The following PTPRD variants were observed in gnomAD, a reference collection of about 807,000 sequenced individuals.
PTPRD encodes the protein receptor-type tyrosine-protein phosphatase delta.
Under a neutral mutation model 214.5 loss-of-function variants are expected in PTPRD, and 34 were observed. That is an observed-to-expected ratio of 0.16 (90% CI 0.12 to 0.21). The LOEUF (loss-of-function observed/expected upper bound fraction) is 0.21, where lower values mean the gene tolerates loss of function less well. PTPRD is among the 10% of genes least tolerant of loss of function. PTPRD has a pLI of 1.00. For synonymous variants in PTPRD, 1,128 were observed against 845.7 expected (o/e 1.33, Z -5.79); for missense variants, 2,545 against 2,398.7 (o/e 1.06, Z -1.27).
intron 14 of PTPRD, among the ~76,000 whole-genome samples, chr9:8,561,491 A>G (rs559583700): frequency 1.3e-5 from 2 of 152,266 alleles, no homozygotes; most frequent in Admixed American, 1.3e-4. Context: ...TACAAACTAT[A>G]ACACAGGTGG....
intron 6 of PTPRD, among the ~76,000 whole-genome samples, chr9:9,765,823 G>A (rs1260483917): frequency 6.6e-6 from 1 of 150,698 alleles, no homozygotes; most frequent in Non-Finnish European, 1.5e-5. Context: ...ACCACCCCTG[G>A]CTAATTTTTT....
intron 8 of PTPRD, among the ~76,000 whole-genome samples, chr9:9,497,968 T>G (rs1213587289): frequency 6.6e-6 from 1 of 152,140 alleles, no homozygotes; most frequent in East Asian, 1.9e-4. Flanking sequence ...CTTTCAACAT[T>G]AACATTTTGA....
intron 12 of PTPRD, among the ~76,000 whole-genome samples, chr9:8,682,362 G>A (rs2097567917): frequency 6.6e-6 from 1 of 151,250 alleles, no homozygotes; most frequent in African/African-American, 2.4e-5. Context: ...CTGAACTTGG[G>A]CTTTAAATAA....
At chr9:9,463,287 A>C (rs2093832599) in intron 8 of PTPRD, among the ~76,000 whole-genome samples, 1 of 152,172 alleles carries the variant, frequency 6.6e-6, no homozygotes, top group Admixed American at 6.5e-5. Flanking sequence ...ATAAACAGGA[A>C]TAATTGTCAC....
intron 30 of PTPRD, among the ~76,000 whole-genome samples, chr9:8,480,901 G>C (rs1046893474): frequency 1.3e-5 from 2 of 152,136 alleles, no homozygotes; most frequent in African/African-American, 4.8e-5. Flanking sequence ...AGCACTTTGG[G>C]AGGCTGAGGG....
intron 5 of PTPRD, among the ~76,000 whole-genome samples, chr9:9,866,133 A>C (rs756963835): frequency 6.6e-6 from 1 of 152,156 alleles, no homozygotes; most frequent in Admixed American, 6.5e-5. Flanking sequence ...TATCTAGTTA[A>C]GGTTATATCC....
chr9:9,900,657 A>T lies in PTPRD; in HGVS notation c.-368+37850T>A, dbSNP rs1314200070. Reference sequence around the variant, plus strand: ...CATTTTCAGGTTTTTTTTTTTTTTGAGATGGAGTCTTGCTCTGTTGCCAGG... The same window carrying T: ...CATTTTCAGGTTTTTTTTTTTTTTGTGATGGAGTCTTGCTCTGTTGCCAGG... On this transcript the variant is annotated intron_variant, in intron 5 of 45. Transcript: ENST00000381196. Among the ~76,000 whole-genome samples the T allele has an allele frequency of 9.7e-5, 8 of 82,402 alleles. No individual in the cohort carries two copies. In the East Asian group the frequency reaches 1.3e-3, roughly 14 times the overall value. 54.1% of individuals were successfully genotyped at this position (82,402 alleles called of 152,430 possible).
chr9:10,063,397 T>C (rs1320410024), intron 3 of PTPRD, among the ~76,000 whole-genome samples: 1 of 152,028 alleles, frequency 6.6e-6, no homozygotes, highest in East Asian at 1.9e-4. Context: ...AAGTATCTAT[T>C]GATAAAAAAG....
intron 9 of PTPRD, among the ~76,000 whole-genome samples, chr9:9,277,572 T>C (rs1946149464): frequency 6.6e-6 from 1 of 151,380 alleles, no homozygotes; most frequent in African/African-American, 2.4e-5. Context: ...TAAACAATTT[T>C]GTTGCTTTAT....
chr9:10,192,133 G>A (rs1021512744), intron 3 of PTPRD, among the ~76,000 whole-genome samples: 4 of 152,248 alleles, frequency 2.6e-5, no homozygotes, highest in African/African-American at 2.4e-5. Flanking sequence ...GAAACTTTGT[G>A]AAAAGTATCA....
chr9:8,566,174 T>C (rs1255122087), intron 14 of PTPRD, among the ~76,000 whole-genome samples: 1 of 148,118 alleles, frequency 6.8e-6, no homozygotes, highest in Non-Finnish European at 1.5e-5. Context: ...CAATGCATTC[T>C]CTTTGGCAGG....
intron 7 of PTPRD, among the ~76,000 whole-genome samples, chr9:9,644,515 A>G (rs1316218259): frequency 2.0e-5 from 3 of 152,228 alleles, no homozygotes; most frequent in African/African-American, 7.2e-5. Flanking sequence ...CATTTCAGCT[A>G]TGAAGCAATG....
At chr9:10,026,188 C>A (rs2096920006) in intron 4 of PTPRD, among the ~76,000 whole-genome samples, 1 of 152,320 alleles carries the variant, frequency 6.6e-6, no homozygotes. Context: ...TCATACAGTT[C>A]TTTCACCATG....
chr9:10,342,036 G>A lies in PTPRD; in HGVS notation c.-599-1019C>T, dbSNP rs771830637. ...GTGTATGCTAGGATCAATAAATTGT[G>A]GTTCTTGGAATAAATTGCAATTAAA... On this transcript the variant is annotated intron_variant, in intron 2 of 45. Transcript: ENST00000381196. Among the ~76,000 whole-genome samples, 79 of 152,084 alleles carry A rather than the reference G, an allele frequency of 5.2e-4. 1 individual carries two copies. The highest frequency in any genetic ancestry group is 4.7e-3 in the Admixed American group (71 of 15,248).
At chr9:9,326,997 A>G (rs1404888420) in intron 9 of PTPRD, among the ~76,000 whole-genome samples, 1 of 152,134 alleles carries the variant, frequency 6.6e-6, no homozygotes, top group Non-Finnish European at 1.5e-5. Flanking sequence ...AAAATAAGCC[A>G]CAAAGCTAAA....
At chr9:10,092,143 T>C (rs897120081) in intron 3 of PTPRD, among the ~76,000 whole-genome samples, 5 of 151,484 alleles carry the variant, frequency 3.3e-5, no homozygotes, top group African/African-American at 9.7e-5. Context: ...CTTAAGGGAA[T>C]AGCTGTGTCT....
chr9:8,615,632 T>C (rs2095587112), intron 14 of PTPRD, among the ~76,000 whole-genome samples: 1 of 152,116 alleles, frequency 6.6e-6, no homozygotes, highest in African/African-American at 2.4e-5. Context: ...GTGAATTTCG[T>C]ACACATAAAA....
chr9:9,591,141 C>A (rs547086032), intron 7 of PTPRD, among the ~76,000 whole-genome samples: 12 of 146,436 alleles, frequency 8.2e-5, no homozygotes. Flanking sequence ...TCTAATCACA[C>A]GAATCCTTAA....
chr9:9,029,736 C>A (rs73641203), intron 10 of PTPRD, among the ~76,000 whole-genome samples: 2,804 of 151,876 alleles, frequency 0.018, 90 homozygotes, highest in African/African-American at 0.064. Context: ...GAGGATGATT[C>A]ATCTCTCAGT....
Sources: allele counts gnomAD v4.1 joint callset (sites outside exome capture counted in the v4.1 genomes callset), GRCh38; gene constraint gnomAD v4.1.1; transcripts MANE v1.5; gene names NCBI Gene and HGNC (gene_info 2026-07-23, HGNC 2026-07-21).